DOCK3: variants seen among roughly 807,000 people sequenced by gnomAD.
The protein encoded by DOCK3 is dedicator of cytokinesis protein 3.
DOCK3 carries 60 observed loss-of-function variants against 265.6 expected under a neutral mutation model. The ratio of observed to expected loss-of-function variants is 0.23; its 90% CI spans 0.18 to 0.28. The LOEUF is 0.28. DOCK3 is among the 10% of genes least tolerant of loss of function. The pLI is 1.00. For missense variants in DOCK3, 1,981 were observed against 2,594.3 expected (o/e 0.76, Z 5.14); for synonymous variants, 881 against 938.0 (o/e 0.94, Z 1.11).
chr3:50,921,217 A>G (rs1422739370), intron 4 of DOCK3, among the ~76,000 whole-genome samples: 1 of 152,136 alleles, frequency 6.6e-6, no homozygotes, highest in Non-Finnish European at 1.5e-5. Context: ...CTTTTCACAC[A>G]GTCCCATATT....
chr3:50,765,955 C>T (rs556704092), intron 1 of DOCK3, among the ~76,000 whole-genome samples: 9 of 152,194 alleles, frequency 5.9e-5, no homozygotes, highest in East Asian at 5.8e-4. Context: ...CTCTGGTAAC[C>T]GCGGTCCTAT....
intron 5 of DOCK3, among the ~76,000 whole-genome samples, chr3:51,051,684 G>A (rs1444756398): frequency 6.6e-6 from 1 of 152,148 alleles, no homozygotes; most frequent in Non-Finnish European, 1.5e-5. Context: ...TTGTGTTGCT[G>A]TAAAGGAATA....
intron 1 of DOCK3, among the ~76,000 whole-genome samples, chr3:50,762,635 A>C (rs540668213): frequency 6.6e-6 from 1 of 152,302 alleles, no homozygotes; most frequent in Non-Finnish European, 1.5e-5. Flanking sequence ...TCCTGATCTT[A>C]TAAAGCATTC....
intron 4 of DOCK3, among the ~76,000 whole-genome samples, chr3:50,895,205 T>C (rs1406233993): frequency 1.9e-4 from 21 of 108,024 alleles, no homozygotes; most frequent in African/African-American, 5.2e-4. Flanking sequence ...TTATCCCCGC[T>C]TTTTTTTTTT....
chr3:50,933,960 CTT>C lies in DOCK3; in HGVS notation c.219-18_219-17del. ...TTTTTTTCAGAGATAATGTGGCTGT[CTT>C]TTGTGGCTCTGGTTCTAGGCAGTAT... On this transcript the variant is annotated intron_variant, in intron 4 of 52. Transcript: ENST00000266037. The C allele has an allele frequency of 6.6e-7, 1 of 1,521,178 alleles. No individual in the cohort carries two copies. The highest frequency in any genetic ancestry group is 8.9e-7 in the Non-Finnish European group (1 of 1,121,394). 94.2% of individuals were successfully genotyped at this position (1,521,178 alleles called of 1,614,324 possible). A position where few individuals can be genotyped will look rare whatever the true frequency, so the allele number is the denominator to read the frequency against.
At chr3:51,338,889 T>C in intron 36 of DOCK3, 46 bp from the exon 37 acceptor site, 1 of 1,517,096 alleles carries the variant, frequency 6.6e-7, no homozygotes, top group East Asian at 2.4e-5. Context: ...AGCTTGGCTA[T>C]GGCTTCCACA....
chr3:51,180,714 T>C (rs2087241793), intron 12 of DOCK3, among the ~76,000 whole-genome samples: 1 of 152,132 alleles, frequency 6.6e-6, no homozygotes, highest in African/African-American at 2.4e-5. Flanking sequence ...CATTCACAGG[T>C]TCTGGGGATT....
intron 5 of DOCK3, among the ~76,000 whole-genome samples, chr3:50,980,923 C>T (rs1259450410): frequency 6.7e-6 from 1 of 150,326 alleles, no homozygotes; most frequent in African/African-American, 2.4e-5. Flanking sequence ...TTTTGTTGAT[C>T]CTTTGTATTA....
intron 4 of DOCK3, among the ~76,000 whole-genome samples, chr3:50,902,818 T>G (rs987019908): frequency 6.6e-6 from 1 of 152,204 alleles, no homozygotes; most frequent in African/African-American, 2.4e-5. Flanking sequence ...GCGTGGCATA[T>G]TGTTCCATTT....
intron 1 of DOCK3, among the ~76,000 whole-genome samples, chr3:50,691,215 C>T (rs77553353): frequency 0.073 from 10,928 of 148,736 alleles, 1,066 homozygotes; most frequent in East Asian, 0.33. Context: ...AACCAGGAGG[C>T]GGAGCTTGCA....
At chr3:51,037,486 G>C (rs1455048664) in intron 5 of DOCK3, among the ~76,000 whole-genome samples, 1 of 151,880 alleles carries the variant, frequency 6.6e-6, no homozygotes, top group Non-Finnish European at 1.5e-5. Context: ...AGAAATATTA[G>C]TCATGTATTA....
intron 3 of DOCK3, among the ~76,000 whole-genome samples, chr3:50,860,588 A>G: frequency 6.6e-6 from 1 of 152,204 alleles, no homozygotes; most frequent in Admixed American, 6.5e-5. Context: ...GTAATGGGTC[A>G]GGACCTACTT....
intron 23 of DOCK3, among the ~76,000 whole-genome samples, chr3:51,266,999 T>G (rs1193922443): frequency 6.6e-6 from 1 of 151,942 alleles, no homozygotes; most frequent in African/African-American, 2.4e-5. Flanking sequence ...CATCAAAAAG[T>G]GGGCGAAGGA....
intron 27 of DOCK3, among the ~76,000 whole-genome samples, chr3:51,285,838 G>A (rs2081374765): frequency 6.6e-6 from 1 of 152,060 alleles, no homozygotes; most frequent in South Asian, 2.1e-4. Flanking sequence ...GGGAGGCTGA[G>A]GCAGGAGAAT....
rs1326045600 is a variant in DOCK3 at position 51,212,570 on chromosome 3, A to T, written c.1127-1552A>T. On this transcript the variant is annotated intron_variant, in intron 13 of 52. Coordinates refer to ENST00000266037, the MANE Select transcript of DOCK3 (RefSeq NM_004947.5). ...CTGTTTACCCAGAGGATATGATTTG[A>T]TAGCTACGTAAAGACAACAAAGATG... Among the ~76,000 whole-genome samples the T allele has an allele frequency of 2.6e-5, 4 of 151,776 alleles. No homozygotes were observed. The East Asian group carries it at 7.7e-4, about 29-fold the overall frequency.
intron 1 of DOCK3, among the ~76,000 whole-genome samples, chr3:50,714,211 TC>T (rs1289748660): frequency 1.3e-5 from 2 of 152,174 alleles, no homozygotes; most frequent in Non-Finnish European, 2.9e-5. Context: ...CACTGTAACT[TC>T]CCAAGTGATT....
chr3:51,327,851 T>C (rs1401557410), intron 32 of DOCK3, among the ~76,000 whole-genome samples: 1 of 152,038 alleles, frequency 6.6e-6, no homozygotes, highest in Non-Finnish European at 1.5e-5. Context: ...GGCTACTTTT[T>C]TTGTATTTTT....
chr3:51,260,026 C>A (rs1366087163), intron 22 of DOCK3, 130 bp from the exon 23 acceptor site: 7 of 880,084 alleles, frequency 8.0e-6, no homozygotes, highest in Non-Finnish European at 1.2e-5. Context: ...CTATCTATCT[C>A]CATAGTTAGA....
In DOCK3 at chr3:51,357,922, T is replaced by A. The variant is rs541464645; in HGVS notation, c.4768-39T>A. On this transcript the variant is annotated intron_variant, in intron 45 of 52. Transcript: ENST00000266037. ...AAGATGAGCAGTTCTCAGGGGCTAC[T>A]CATGGTTCACAGAGTGGCCTTGTTT... 1.9e-6 allele frequency: 3 copies of A among 1,613,622 alleles called. No homozygotes were observed. In the South Asian group the frequency reaches 3.3e-5, roughly 18 times the overall value.
Sources: gnomAD v4.1 joint callset for allele counts (sites outside exome capture counted in the v4.1 genomes callset) on GRCh38, gnomAD v4.1.1 for gene constraint, MANE v1.5 for transcripts, NCBI Gene and HGNC (gene_info 2026-07-23, HGNC 2026-07-21) for gene names.